The following ELMO1 variants were observed in gnomAD, a reference collection of about 807,000 sequenced individuals.
The protein encoded by ELMO1 is engulfment and cell motility protein 1.
A neutral mutation model predicts 98.9 loss-of-function variants in ELMO1; 26 were observed. The observed-to-expected ratio is 0.26, with a 90% CI of 0.19 to 0.36. The LOEUF (loss-of-function observed/expected upper bound fraction) is 0.36. ELMO1 is among the 10% of genes least tolerant of loss of function. The pLI, the probability that ELMO1 is intolerant of heterozygous loss-of-function variation, is 1.00. For missense variants in ELMO1, 627 were observed against 935.2 expected, an observed-to-expected ratio of 0.67 and a Z score of 4.30; for synonymous variants, 346 against 346.0, an observed-to-expected ratio of 1.00 and a Z score of 0.00.
chr7:37,410,246 A>AT (rs1803942851), intron 1 of ELMO1, among the ~76,000 whole-genome samples: 1 of 152,272 alleles, frequency 6.6e-6, no homozygotes. Flanking sequence ...TGACTGACAC[A>AT]TAGAAAGCTC....
intron 1 of ELMO1, among the ~76,000 whole-genome samples, chr7:37,388,601 T>C (rs1802920169): frequency 6.7e-6 from 1 of 149,384 alleles, no homozygotes; most frequent in African/African-American, 2.5e-5. Context: ...AGTCACTCCA[T>C]GATGCCAGGG....
intron 16 of ELMO1, 122 bp downstream of exon 16, chr7:37,013,177 T>A (rs546276420): frequency 8.0e-7 from 1 of 1,257,162 alleles, no homozygotes; most frequent in African/African-American, 1.5e-5. Context: ...GAAGCAACTA[T>A]CATTGCAATC....
intron 1 of ELMO1, among the ~76,000 whole-genome samples, chr7:37,368,320 C>T (rs1028386821): frequency 2.6e-5 from 4 of 151,972 alleles, no homozygotes; most frequent in Non-Finnish European, 5.9e-5. Context: ...TTCTATACAC[C>T]AGGAACAAAG....
intron 6 of ELMO1, among the ~76,000 whole-genome samples, chr7:37,248,267 CT>C (rs1795127462): frequency 6.6e-6 from 1 of 151,962 alleles, no homozygotes; most frequent in South Asian, 2.1e-4. Flanking sequence ...AGAAATTACT[CT>C]GGAAAGGTTG....
intron 21 of ELMO1, among the ~76,000 whole-genome samples, chr7:36,857,937 C>T (rs1802331944): frequency 6.6e-6 from 1 of 152,158 alleles, no homozygotes; most frequent in Non-Finnish European, 1.5e-5. Context: ...AGGGGTCCTC[C>T]CAATAGGACT....
intron 2 of ELMO1, among the ~76,000 whole-genome samples, chr7:37,322,860 C>T (rs1036461662): frequency 6.6e-6 from 1 of 152,078 alleles, no homozygotes; most frequent in African/African-American, 2.4e-5. Context: ...ATTTTAACTG[C>T]TTCAGTATGT....
At chr7:37,445,036 C>T (rs1396993622) in intron 1 of ELMO1, among the ~76,000 whole-genome samples, 4 of 152,184 alleles carry the variant, frequency 2.6e-5, no homozygotes, top group East Asian at 3.9e-4. Flanking sequence ...TTTTTAAAAT[C>T]GTTACCTACA....
chr7:36,933,558 T>A (rs1440493148), intron 16 of ELMO1, among the ~76,000 whole-genome samples: 1 of 152,080 alleles, frequency 6.6e-6, no homozygotes, highest in Non-Finnish European at 1.5e-5. Context: ...GTGACAGGTG[T>A]GGGGTGCTGG....
chr7:37,368,697 G>C (rs1178989305), intron 1 of ELMO1, among the ~76,000 whole-genome samples: 2 of 152,186 alleles, frequency 1.3e-5, no homozygotes, highest in Non-Finnish European at 1.5e-5. Context: ...GATTACCTGG[G>C]AGGCTTTATC....
chr7:37,263,174 G>A (rs1029112832), intron 5 of ELMO1, among the ~76,000 whole-genome samples: 4 of 151,836 alleles, frequency 2.6e-5, no homozygotes, highest in Non-Finnish European at 5.9e-5. Context: ...GGGAATCAAA[G>A]TTTTTATTCT....
intron 1 of ELMO1, among the ~76,000 whole-genome samples, chr7:37,364,716 T>C (rs1381781356): frequency 6.6e-6 from 1 of 152,148 alleles, no homozygotes; most frequent in Admixed American, 6.5e-5. Context: ...GAGAGCAAAC[T>C]CAAGTGCTTT....
At chr7:37,224,219 T>C (rs1366804151) in intron 9 of ELMO1, among the ~76,000 whole-genome samples, 1 of 152,248 alleles carries the variant, frequency 6.6e-6, no homozygotes, top group Non-Finnish European at 1.5e-5. Flanking sequence ...AAGGTAGCAC[T>C]GTACAATAGA....
chr7:37,226,505 A>C (rs1793880757), intron 8 of ELMO1, among the ~76,000 whole-genome samples: 2 of 152,196 alleles, frequency 1.3e-5, no homozygotes, highest in Admixed American at 1.3e-4. Flanking sequence ...TCTTCTAAAC[A>C]GAGGATAAAT....
chr7:36,955,583 A>G (rs1480737890), intron 16 of ELMO1, among the ~76,000 whole-genome samples: 1 of 152,230 alleles, frequency 6.6e-6, no homozygotes, highest in African/African-American at 2.4e-5. Context: ...TCTCTGTAAC[A>G]TCTTGGAAAC....
intron 16 of ELMO1, chr7:36,919,435 G>A: frequency 1.9e-6 from 1 of 524,900 alleles, no homozygotes; most frequent in South Asian, 1.4e-5. Context: ...AAGTAGCATA[G>A]TAAACTAGGA....
chr7:37,363,682 C>T (rs1801787083), intron 1 of ELMO1, among the ~76,000 whole-genome samples: 3 of 152,294 alleles, frequency 2.0e-5, no homozygotes, highest in South Asian at 4.1e-4. Context: ...TTCACTTCTC[C>T]CCTTTCATTT....
intron 1 of ELMO1, among the ~76,000 whole-genome samples, chr7:37,393,441 C>A (rs1413662174): frequency 1.3e-5 from 2 of 152,056 alleles, no homozygotes; most frequent in Non-Finnish European, 2.9e-5. Context: ...ACCAAATGTC[C>A]CAATAATAGT....
chr7:37,055,617 C>G (rs1018905710), intron 15 of ELMO1, among the ~76,000 whole-genome samples: 1 of 152,206 alleles, frequency 6.6e-6, no homozygotes, highest in African/African-American at 2.4e-5. Flanking sequence ...CTCCAGCCCT[C>G]CTGCGGGTGG....
At position 37,017,960 on chromosome 7, in the gene ELMO1, C is replaced by T. The variant is rs185370709; in HGVS notation, c.1301-4525G>A. On this transcript the variant is annotated intron_variant, in intron 15 of 21. Transcript: ENST00000310758. ...AATAATTAAATGTGATGCCCCCTAG[C>T]GTGCCATAGAACTTTAGACAAATAA... Among the ~76,000 whole-genome samples the T allele has an allele frequency of 4.1e-4, 62 of 152,162 alleles. 3 individuals carry two copies. The highest frequency in any genetic ancestry group is 1.3e-3 in the African/African-American group (53 of 41,478).
Sources: allele counts gnomAD v4.1 joint callset (sites outside exome capture counted in the v4.1 genomes callset), GRCh38; gene constraint gnomAD v4.1.1; transcripts MANE v1.5; gene names NCBI Gene and HGNC (gene_info 2026-07-23, HGNC 2026-07-21).